The following SLC2A9 variants were observed in gnomAD, a reference collection of about 807,000 sequenced individuals.
SLC2A9 encodes solute carrier family 2, facilitated glucose transporter member 9.
Under a neutral mutation model 50.6 loss-of-function variants are expected in SLC2A9, and 39 were observed. The observed-to-expected ratio is 0.77, with a 90% CI of 0.60 to 1.01. SLC2A9 has a LOEUF of 1.01. Ranked by LOEUF, SLC2A9 falls within the 50% of genes least tolerant of loss-of-function variation. The pLI is 0.00. For synonymous variants in SLC2A9, 324 were observed against 276.9 expected, an observed-to-expected ratio of 1.17 and a Z score of -1.69; for missense variants, 686 against 677.6, an observed-to-expected ratio of 1.01 and a Z score of -0.14.
chr4:9,915,667 C>A (rs1386998471), intron 7 of SLC2A9, among the ~76,000 whole-genome samples: 1 of 152,216 alleles, frequency 6.6e-6, no homozygotes, highest in Non-Finnish European at 1.5e-5. Flanking sequence ...AAGCTGCATG[C>A]AGGCAGATGA....
intron 3 of SLC2A9, among the ~76,000 whole-genome samples, chr4:9,806,327 AGCGATCT>A (rs1490876737): frequency 6.6e-6 from 1 of 152,274 alleles, no homozygotes; most frequent in Non-Finnish European, 1.5e-5. Flanking sequence ...CAACAGCATG[AGCGATCT>A]GTGCCTTAAG....
At chr4:9,803,421 A>G (rs1006932261) in intron 3 of SLC2A9, among the ~76,000 whole-genome samples, 1 of 152,238 alleles carries the variant, frequency 6.6e-6, no homozygotes, top group African/African-American at 2.4e-5. Flanking sequence ...CCTCACATCA[A>G]TGCTTAACAT....
At position 10,018,904 on chromosome 4, in the gene SLC2A9, C is replaced by T. The variant is rs531632042; in HGVS notation, c.249+71G>A. ...CGCAACAGGAGGGGGCGCTGGAGCC[C>T]AGGGCCCTTGCGCACCCGAAGGTTT... On this transcript the variant is annotated intron_variant, in intron 2 of 11. Coordinates refer to ENST00000264784, the MANE Select transcript of SLC2A9 (RefSeq NM_020041.3). 2.7e-6 allele frequency: 4 copies of T among 1,455,790 alleles called. No individual in the cohort carries two copies. In the South Asian group the frequency reaches 4.9e-5, roughly 18 times the overall value. 90.2% of individuals were successfully genotyped at this position (1,455,790 alleles called of 1,614,324 possible). A position where few individuals can be genotyped will look rare whatever the true frequency, so the allele number is the denominator to read the frequency against.
At chr4:9,887,779 C>T in intron 9 of SLC2A9, 137 bp from the exon 10 acceptor site, 2 of 511,326 alleles carry the variant, frequency 3.9e-6, no homozygotes, top group Non-Finnish European at 3.3e-6. Context: ...CCAGCTTCAG[C>T]ATCTATAACA....
intron 3 of SLC2A9, among the ~76,000 whole-genome samples, chr4:9,799,701 C>CCCCG (rs1553813271): frequency 5.9e-5 from 2 of 33,734 alleles, no homozygotes; most frequent in African/African-American, 1.3e-4. Context: ...TACCCCCCCC[C>CCCCG]CACCCAACTT....
At chr4:9,879,402 T>TG in intron 10 of SLC2A9, 2 of 975,736 alleles carry the variant, frequency 2.0e-6, no homozygotes, top group Non-Finnish European at 1.2e-6. Flanking sequence ...GTGTGTGTGT[T>TG]TGTGCGTGTG....
At chr4:10,006,271 C>T (rs1760755170) in intron 2 of SLC2A9, among the ~76,000 whole-genome samples, 1 of 152,168 alleles carries the variant, frequency 6.6e-6, no homozygotes, top group African/African-American at 2.4e-5. Flanking sequence ...GGCAAATTAC[C>T]TCGTAGCCCG....
chr4:9,902,083 G>A (rs536811015), intron 8 of SLC2A9, among the ~76,000 whole-genome samples: 6 of 152,166 alleles, frequency 3.9e-5, no homozygotes, highest in Non-Finnish European at 5.9e-5. Flanking sequence ...TCTTTCAGCA[G>A]CTTCTTTTGC....
At chr4:9,774,848 C>T (rs535273810), downstream of SLC2A9, among the ~76,000 whole-genome samples, 51 of 151,954 alleles carry the variant, frequency 3.4e-4, no homozygotes, top group Non-Finnish European at 6.6e-4. Flanking sequence ...GCTCTATTCT[C>T]TATATGGGCC....
intron 6 of SLC2A9, among the ~76,000 whole-genome samples, chr4:9,932,292 T>C (rs1746291406): frequency 6.6e-6 from 1 of 151,854 alleles, no homozygotes; most frequent in Admixed American, 6.6e-5. Context: ...TGGTATACTT[T>C]GGTTTTCTTC....
chr4:9,995,307 G>A (rs1293585337), intron 3 of SLC2A9, among the ~76,000 whole-genome samples: 3 of 152,164 alleles, frequency 2.0e-5, no homozygotes, highest in Non-Finnish European at 2.9e-5. Flanking sequence ...CTCTGAAAGT[G>A]GGCTTGGGGA....
chr4:9,854,284 G>A, intron 10 of SLC2A9, among the ~76,000 whole-genome samples: 1 of 151,984 alleles, frequency 6.6e-6, no homozygotes, highest in Non-Finnish European at 1.5e-5. Context: ...TACACAATCA[G>A]AAGTGACAAA....
chr4:9,911,404 T>C (rs1486455730), intron 7 of SLC2A9, among the ~76,000 whole-genome samples: 1 of 152,166 alleles, frequency 6.6e-6, no homozygotes, highest in Non-Finnish European at 1.5e-5. Flanking sequence ...GCTTTACCTC[T>C]GCTCACACTG....
rs1336420433 is a variant in SLC2A9, at chr4:9,917,392, G to T, written c.1002+2993C>A. Among the ~76,000 whole-genome samples the T allele has an allele frequency of 2.2e-5, 3 of 136,250 alleles. 1 individual carries two copies. Among genetic ancestry groups the T allele is most frequent in the Non-Finnish European group, 4.6e-5 (3 of 65,788 alleles). 89.4% of individuals were successfully genotyped at this position (136,250 alleles called of 152,430 possible). A position where few individuals can be genotyped will look rare whatever the true frequency, so the allele number is the denominator to read the frequency against. On this transcript the variant is annotated intron_variant, in intron 7 of 11. Transcript: ENST00000264784. Reference sequence around the variant, plus strand: ...CTGTGTCCCAGGCTGGGGTGTAGTGGTGCGATCTTGGCTCACTGTAGCCTC... The same window carrying T: ...CTGTGTCCCAGGCTGGGGTGTAGTGTTGCGATCTTGGCTCACTGTAGCCTC...
chr4:9,839,336 A>T (rs1002212064), intron 10 of SLC2A9, among the ~76,000 whole-genome samples: 4 of 152,132 alleles, frequency 2.6e-5, no homozygotes, highest in Admixed American at 1.3e-4. Context: ...AAAAAATAAC[A>T]GATACTGGCT....
At chr4:9,826,673 A>T in intron 11 of SLC2A9, 73 bp from the exon 12 acceptor site, 1 of 1,374,018 alleles carries the variant, frequency 7.3e-7, no homozygotes, top group Non-Finnish European at 1.0e-6. Flanking sequence ...CTCTACACAG[A>T]TTTTTAAGAT....
intron 7 of SLC2A9, among the ~76,000 whole-genome samples, chr4:9,920,070 T>C (rs1328082225): frequency 6.6e-6 from 1 of 152,208 alleles, no homozygotes; most frequent in Non-Finnish European, 1.5e-5. Context: ...CTTCCTAATA[T>C]CAATTTTTTA....
upstream of SLC2A9, chr4:10,026,015 G>C (rs1444055877): frequency 6.3e-7 from 1 of 1,597,626 alleles, no homozygotes; most frequent in Admixed American, 1.7e-5. Flanking sequence ...TTCTGAGAAA[G>C]AGAAAAAGAA....
chr4:9,860,564 G>C (rs1366757783), intron 10 of SLC2A9, among the ~76,000 whole-genome samples: 1 of 152,252 alleles, frequency 6.6e-6, no homozygotes, highest in Non-Finnish European at 1.5e-5. Flanking sequence ...GACTGACTTT[G>C]AACTTGGCTT....
Sources: allele counts gnomAD v4.1 joint callset (sites outside exome capture counted in the v4.1 genomes callset), GRCh38; gene constraint gnomAD v4.1.1; transcripts MANE v1.5; gene names NCBI Gene and HGNC (gene_info 2026-07-23, HGNC 2026-07-21).